Variants in DOCK9 observed in about 807,000 individuals in gnomAD.
DOCK9 encodes the protein dedicator of cytokinesis protein 9.
DOCK9 carries 89 observed loss-of-function variants against 263.3 expected under a neutral mutation model. The ratio of observed to expected loss-of-function variants is 0.34; its 90% CI spans 0.28 to 0.40. The LOEUF is 0.40. Ranked by LOEUF, DOCK9 falls within the 10% of genes least tolerant of loss-of-function variation. The pLI is 1.00. For missense variants in DOCK9, 2,140 were observed against 2,603.4 expected (o/e 0.82, Z 3.87); for synonymous variants, 976 against 973.1 (o/e 1.00, Z -0.06).
chr13:99,032,876 C>T (rs767950767), intron 1 of DOCK9, among the ~76,000 whole-genome samples: 124 of 152,208 alleles, frequency 8.1e-4, no homozygotes, highest in Non-Finnish European at 1.1e-3. Flanking sequence ...TAAAAATTAA[C>T]AGAAATCAGG....
At chr13:98,819,472 A>C (rs1317072167) in intron 45 of DOCK9, among the ~76,000 whole-genome samples, 3 of 152,238 alleles carry the variant, frequency 2.0e-5, no homozygotes, top group Non-Finnish European at 4.4e-5. Context: ...GTAGGAGTGT[A>C]GTGTGCTATG....
At chr13:99,050,015 A>G (rs555644949) in intron 1 of DOCK9, among the ~76,000 whole-genome samples, 2 of 152,346 alleles carry the variant, frequency 1.3e-5, no homozygotes, top group African/African-American at 4.8e-5. Flanking sequence ...TTGAAATATG[A>G]TATGTGAAAA....
chr13:98,826,907 C>T lies in DOCK9; in HGVS notation c.4966-20G>A. 3.1e-6 allele frequency: 5 copies of T among 1,595,374 alleles called. No individual in the cohort carries two copies. The highest frequency in any genetic ancestry group is 1.1e-5 in the South Asian group (1 of 88,072). The stretch of plus-strand genomic sequence containing the variant: ...TGCTGCCTATAATAGAAGACACATG[C>T]CTCAGAATCATCATTCATAACAGCA... On this transcript the variant is annotated intron_variant, in intron 43 of 52. Transcript: ENST00000682017.
intron 39 of DOCK9, 86 bp downstream of exon 39, chr13:98,837,408 A>G (rs984388377): frequency 1.4e-5 from 12 of 856,298 alleles, no homozygotes; most frequent in Non-Finnish European, 1.9e-5. Flanking sequence ...AAAATGCAAC[A>G]TAGTAAGTTT....
At chr13:98,948,281 A>AT (rs771744095) in intron 2 of DOCK9, among the ~76,000 whole-genome samples, 5 of 152,250 alleles carry the variant, frequency 3.3e-5, no homozygotes, top group Non-Finnish European at 5.9e-5. Context: ...ATTCTCCTGT[A>AT]TTCAAACATT....
At chr13:98,914,283 T>C in intron 9 of DOCK9, 45 bp downstream of exon 9, 1 of 1,513,334 alleles carries the variant, frequency 6.6e-7, no homozygotes, top group Non-Finnish European at 9.1e-7. Flanking sequence ...TGAGACATAC[T>C]TCAACAGCAT....
chr13:98,896,683 T>C (rs1260325722), intron 15 of DOCK9, among the ~76,000 whole-genome samples: 3 of 152,198 alleles, frequency 2.0e-5, no homozygotes, highest in South Asian at 2.1e-4. Flanking sequence ...CTTTAGGATG[T>C]AGCAGCAAAA....
chr13:98,883,757 TG>T, intron 22 of DOCK9, 55 bp downstream of exon 22: 1 of 1,200,000 alleles, frequency 8.3e-7, no homozygotes, highest in Non-Finnish European at 1.2e-6. Flanking sequence ...TCTTGCAAAA[TG>T]GTGCAAACTT....
chr13:98,840,131 A>C lies in DOCK9; in HGVS notation c.4199-2522T>G, dbSNP rs150602283. Among the ~76,000 whole-genome samples, 253 of 152,362 alleles carry C rather than the reference A, an allele frequency of 1.7e-3. 1 individual carries two copies. Among genetic ancestry groups the C allele is most frequent in the African/African-American group, 5.8e-3 (240 of 41,580 alleles). On this transcript the variant is annotated intron_variant, in intron 38 of 52. Transcript: ENST00000682017. ...CAGAGCTGTGCAGGAGGAGGACTTG[A>C]ATCAACAATCACCATGGTATAGACC...
intron 27 of DOCK9, among the ~76,000 whole-genome samples, chr13:98,874,440 C>A (rs1047099856): frequency 1.3e-5 from 2 of 152,198 alleles, no homozygotes; most frequent in African/African-American, 4.8e-5. Flanking sequence ...ATGAATAAAG[C>A]TACTGTGCAC....
chr13:99,069,180 C>T (rs909332270), intron 1 of DOCK9, among the ~76,000 whole-genome samples: 2 of 152,292 alleles, frequency 1.3e-5, no homozygotes, highest in African/African-American at 4.8e-5. Flanking sequence ...AACCAATGTA[C>T]GTGTAAAACT....
chr13:98,949,935 A>G (rs2057207288), intron 2 of DOCK9: 3 of 479,084 alleles, frequency 6.3e-6, no homozygotes, highest in Admixed American at 4.6e-5. Context: ...GTGCTCCTCA[A>G]TTGCTGTGCT....
chr13:98,901,762 TA>T lies in DOCK9; in HGVS notation c.1503+15del. Reference sequence around the variant, plus strand: ...GATTGCTTTTTACCACCCCAAAGCGTAAAAGCCATTCATACCTTAGAAGAGT... The same window carrying T: ...GATTGCTTTTTACCACCCCAAAGCGTAAAGCCATTCATACCTTAGAAGAGT... On this transcript the variant is annotated intron_variant, in intron 13 of 52. Transcript: ENST00000682017. 3 of 1,611,560 alleles carry T rather than the reference TA, an allele frequency of 1.9e-6. No homozygotes were observed. The highest frequency in any genetic ancestry group is 2.5e-6 in the Non-Finnish European group (3 of 1,178,778).
At position 99,021,259 on chromosome 13, in the gene DOCK9, C is replaced by T. The variant is rs181876632; in HGVS notation, c.129+64964G>A. On this transcript the variant is annotated intron_variant, in intron 1 of 32. Transcript: ENST00000427887. ...AAGTAGGGTAATTCTTCTAAAAATA[C>T]AAGCATCTCATACAAAATTCAAATA... Among the ~76,000 whole-genome samples the T allele has an allele frequency of 2.0e-5, 3 of 152,308 alleles. No individual in the cohort carries two copies. The East Asian group carries it at 5.8e-4, about 29-fold the overall frequency.
At chr13:98,879,863 C>T (rs747787974) in intron 27 of DOCK9, 35 bp downstream of exon 27, 6 of 1,553,622 alleles carry the variant, frequency 3.9e-6, no homozygotes, top group South Asian at 1.2e-5. Flanking sequence ...TTTCTTTTCC[C>T]CTAAGAACAC....
chr13:99,051,558 A>C (rs2040696541), intron 1 of DOCK9, among the ~76,000 whole-genome samples: 1 of 152,110 alleles, frequency 6.6e-6, no homozygotes, highest in Non-Finnish European at 1.5e-5. Context: ...CCCAGAACTT[A>C]AGGTTATCCG....
intron 1 of DOCK9, among the ~76,000 whole-genome samples, chr13:98,974,627 G>GT (rs1327148111): frequency 6.6e-6 from 1 of 151,220 alleles, no homozygotes; most frequent in Non-Finnish European, 1.5e-5. Flanking sequence ...GCATGCGCCT[G>GT]TAATTACAGC....
At position 98,810,173 on chromosome 13, in the gene DOCK9, A is replaced by G; in HGVS notation, c.5249T>C (p.Phe1750Ser). The G allele has an allele frequency of 6.2e-7, 1 of 1,613,948 alleles. No homozygotes were observed. Among genetic ancestry groups the G allele is most frequent in the Non-Finnish European group, 8.5e-7 (1 of 1,179,882 alleles). ...AACAAAAAGGCACTCTCATACCTCA[A>G]AATCCCTCCGCTTCTCATAAATGGG... Reference protein sequence around the residue: ...IIPIYEKRRDFERLAHLYDTL... With the variant: ...IIPIYEKRRDSERLAHLYDTL... Residue 1750 changes from phenylalanine (F) to serine (S), a missense_variant, in exon 46 of 53, where the codon TTT (phenylalanine) becomes TCT (serine). By Grantham distance (155) the Phe-to-Ser change is radical. Around this residue, in one of 2 missense-constraint regions of DOCK9, gnomAD observed 619 missense variants for 861.8 expected, o/e 0.72. Transcript: ENST00000682017.
intron 1 of DOCK9, among the ~76,000 whole-genome samples, chr13:99,060,530 T>C (rs2041141656): frequency 6.6e-6 from 1 of 152,218 alleles, no homozygotes; most frequent in Non-Finnish European, 1.5e-5. Context: ...TATATTTAAC[T>C]TTCTGAAGAA....
Sources: gnomAD v4.1 joint callset for allele counts (sites outside exome capture counted in the v4.1 genomes callset) on GRCh38, gnomAD v4.1.1 for gene constraint, gnomAD v4.1.1 regional missense constraint, MANE v1.5 for transcripts, NCBI Gene and HGNC (gene_info 2026-07-23, HGNC 2026-07-21) for gene names.